The following PDZD2 variants were observed in gnomAD, a reference collection of about 807,000 sequenced individuals.
The protein encoded by PDZD2 is PDZ domain containing 2.
Under a neutral mutation model 220.7 loss-of-function variants are expected in PDZD2, and 90 were observed. The ratio of observed to expected loss-of-function variants is 0.41; its 90% CI spans 0.34 to 0.49. PDZD2 has a LOEUF of 0.49. PDZD2 is among the 20% of genes least tolerant of loss of function. The pLI is 0.28. For synonymous variants in PDZD2, 1,375 were observed against 1,450.5 expected, an observed-to-expected ratio of 0.95 and a Z score of 1.18; for missense variants, 3,174 against 3,608.5, an observed-to-expected ratio of 0.88 and a Z score of 3.08.
At chr5:31,724,995 A>G (rs1749036969) in intron 1 of PDZD2, among the ~76,000 whole-genome samples, 1 of 152,162 alleles carries the variant, frequency 6.6e-6, no homozygotes. Flanking sequence ...AGACACCACA[A>G]ATTGGTAGCT....
At chr5:31,953,059 CAAA>C (rs776311443) in intron 2 of PDZD2, among the ~76,000 whole-genome samples, 5 of 53,994 alleles carry the variant, frequency 9.3e-5, no homozygotes, top group East Asian at 5.9e-4. Context: ...GACTCCATCT[CAAA>C]AAAAAAAAAA....
intron 2 of PDZD2, among the ~76,000 whole-genome samples, chr5:31,953,660 ATTT>A (rs34296923): frequency 7.2e-6 from 1 of 138,522 alleles, no homozygotes; most frequent in Non-Finnish European, 1.5e-5. Context: ...TAAAAAAAAA[ATTT>A]TTTTTTTTTT....
intron 2 of PDZD2, among the ~76,000 whole-genome samples, chr5:31,956,138 G>A (rs1747654974): frequency 6.6e-6 from 1 of 151,924 alleles, no homozygotes; most frequent in African/African-American, 2.4e-5. Flanking sequence ...TAGGTCCCTT[G>A]CTCTATAGTA....
At chr5:31,669,038 T>C (rs754835425) in intron 1 of PDZD2, among the ~76,000 whole-genome samples, 1 of 152,112 alleles carries the variant, frequency 6.6e-6, no homozygotes, top group Non-Finnish European at 1.5e-5. Flanking sequence ...CAGGGGACAC[T>C]GGCAATGTCT....
chr5:31,925,106 A>AG (rs1468800063), intron 2 of PDZD2, among the ~76,000 whole-genome samples: 1 of 152,226 alleles, frequency 6.6e-6, no homozygotes, highest in Admixed American at 6.5e-5. Context: ...GACCGGCAGG[A>AG]GGGCCTAAGG....
chr5:31,831,520 G>A (rs763133811), intron 2 of PDZD2, among the ~76,000 whole-genome samples: 21 of 152,036 alleles, frequency 1.4e-4, no homozygotes, highest in African/African-American at 4.3e-4. Flanking sequence ...AGGCCGAGGC[G>A]GGTGGTTCAC....
intron 23 of PDZD2, chr5:32,099,118 C>CA (rs1744014042): frequency 6.4e-6 from 1 of 155,248 alleles, no homozygotes; most frequent in Admixed American, 6.4e-5. Flanking sequence ...CAGCCTTAGT[C>CA]AACCAAGAAG....
chr5:31,867,642 T>TC (rs1738351917), intron 2 of PDZD2, among the ~76,000 whole-genome samples: 1 of 152,136 alleles, frequency 6.6e-6, no homozygotes, highest in African/African-American at 2.4e-5. Flanking sequence ...ATCTACAGCT[T>TC]CAAGTTGGAT....
intron 2 of PDZD2, among the ~76,000 whole-genome samples, chr5:31,920,047 G>C (rs1004163340): frequency 2.0e-5 from 3 of 151,878 alleles, no homozygotes; most frequent in Non-Finnish European, 4.4e-5. Context: ...AGGGGTTTTG[G>C]GAGGCTAAAG....
intron 1 of PDZD2, among the ~76,000 whole-genome samples, chr5:31,750,040 T>C (rs1376376050): frequency 1.3e-5 from 2 of 152,208 alleles, no homozygotes; most frequent in Non-Finnish European, 2.9e-5. Context: ...TGCAAATGAT[T>C]TTTTAAACAA....
At chr5:31,967,317 T>C (rs1748848319) in intron 2 of PDZD2, among the ~76,000 whole-genome samples, 1 of 152,116 alleles carries the variant, frequency 6.6e-6, no homozygotes, top group African/African-American at 2.4e-5. Flanking sequence ...GAATCTGCCT[T>C]CTTTTAGAGT....
intron 2 of PDZD2, among the ~76,000 whole-genome samples, chr5:31,941,213 C>T (rs1376911108): frequency 6.6e-6 from 1 of 152,202 alleles, no homozygotes; most frequent in African/African-American, 2.4e-5. Context: ...CTGGCCACTT[C>T]CACCAGCAAG....
Position 32,089,578 on chromosome 5 carries a change from G to A in PDZD2, c.6130G>A (p.Gly2044Ser), listed in dbSNP as rs373606375. ...GPVSPAASRN[G>S]MSVAGNRQSE... is the part of the protein sequence containing the mutation. ...GGTGAGTCCGGCAGCGTCTAGGAAC[G>A]GCATGTCCGTGGCAGGGAACAGACA... is the stretch of plus-strand genomic sequence containing the variant. The change falls in exon 20 of 25, where the codon GGC becomes AGC. Residue 2044 changes from glycine to serine, a missense_variant. Gly to Ser is a moderately conservative substitution (Grantham distance 56). Coordinates refer to ENST00000438447, the MANE Select transcript of PDZD2 (RefSeq NM_178140.4). 1.7e-5 allele frequency: 27 copies of A among 1,612,322 alleles called. No individual in the cohort carries two copies. The highest frequency in any genetic ancestry group is 1.6e-4 in the Middle Eastern group (1 of 6,084).
At chr5:31,917,238 G>A (rs554390665) in intron 2 of PDZD2, among the ~76,000 whole-genome samples, 12 of 152,354 alleles carry the variant, frequency 7.9e-5, no homozygotes, top group Admixed American at 6.5e-4. Context: ...GCCAAGGAGA[G>A]TTAAGAAGGA....
At chr5:32,104,716 TAAAAAAAAAAA>T (rs755177769) in intron 24 of PDZD2, among the ~76,000 whole-genome samples, 178 of 30,094 alleles carry the variant, frequency 5.9e-3, no homozygotes, top group Middle Eastern at 0.042. Flanking sequence ...AGGCTCCATC[TAAAAAAAAAAA>T]AAAAAAAAAA....
At chr5:31,748,662 G>A (rs1750746189) in intron 1 of PDZD2, among the ~76,000 whole-genome samples, 1 of 152,216 alleles carries the variant, frequency 6.6e-6, no homozygotes, top group Non-Finnish European at 1.5e-5. Flanking sequence ...AGGGGTGGGT[G>A]GGAAAATTAA....
chr5:31,853,619 G>A (rs1001402251), intron 2 of PDZD2, among the ~76,000 whole-genome samples: 2 of 152,182 alleles, frequency 1.3e-5, no homozygotes, highest in African/African-American at 4.8e-5. Flanking sequence ...TACCCATTCC[G>A]GTGGCAGTAA....
chr5:32,090,274 G>A lies in PDZD2; in HGVS notation c.6826G>A (p.Gly2276Ser). ...TCTTCCCAGCCTGGCTAATGGACAGGGCATATATAGTGTAAAGCCGCTGCT... is the reference window on the plus strand; with the variant it reads ...TCTTCCCAGCCTGGCTAATGGACAGAGCATATATAGTGTAAAGCCGCTGCT... Reference protein sequence around the residue: ...GGLPSLANGQGIYSVKPLLDT... With the variant: ...GGLPSLANGQSIYSVKPLLDT... Residue 2276 changes from glycine (G) to serine (S), a missense_variant, in exon 20 of 25, where the codon GGC (glycine) becomes AGC (serine). This residue lies in a region of PDZD2 where 631 missense variants were observed against 789.9 expected (regional missense o/e 0.80). Transcript: ENST00000438447. This position sits in a 1 kb window ranked among gnomAD's most constrained non-coding sequence, Gnocchi z 4.3. 1 of 1,614,156 alleles carries A rather than the reference G, an allele frequency of 6.2e-7. No homozygotes were observed. Among genetic ancestry groups the A allele is most frequent in the Non-Finnish European group, 8.5e-7 (1 of 1,180,028 alleles).
intron 5 of PDZD2, among the ~76,000 whole-genome samples, chr5:32,002,435 G>A (rs1752208779): frequency 1.3e-5 from 2 of 152,046 alleles, no homozygotes; most frequent in Non-Finnish European, 2.9e-5. Context: ...GAAATGGGGC[G>A]GCAGAACAAA....
Sources: allele counts gnomAD v4.1 joint callset (sites outside exome capture counted in the v4.1 genomes callset), GRCh38; gene constraint gnomAD v4.1.1; regional missense constraint gnomAD v4.1.1; non-coding constraint Gnocchi (gnomAD v3.1); transcripts MANE v1.5; gene names NCBI Gene and HGNC (gene_info 2026-07-23, HGNC 2026-07-21).